The following SNX27 variants were observed in gnomAD, a reference collection of about 807,000 sequenced individuals.
SNX27 encodes sorting nexin 27, also known as sorting nexin-27.
A neutral mutation model predicts 71.6 loss-of-function variants in SNX27; 22 were observed. That is an observed-to-expected ratio of 0.31 (90% confidence interval 0.22 to 0.44). The LOEUF is 0.44. Among genes scored for constraint, SNX27 ranks in the 20% least tolerant of loss-of-function variants. The pLI, the probability that SNX27 is intolerant of heterozygous loss-of-function variation, is 1.00. For missense variants in SNX27, 531 were observed against 698.6 expected (o/e 0.76, Z 2.70); for synonymous variants, 269 against 277.2 (o/e 0.97, Z 0.29).
intron 1 of SNX27, among the ~76,000 whole-genome samples, chr1:151,633,496 C>A (rs1280839595): frequency 6.6e-6 from 1 of 152,112 alleles, no homozygotes; most frequent in Non-Finnish European, 1.5e-5. Flanking sequence ...TGGGGTTTCG[C>A]CTTGTTGCCC....
At chr1:151,683,051 C>A (rs1308158) in intron 7 of SNX27, among the ~76,000 whole-genome samples, 67,574 of 151,516 alleles carry the variant, frequency 0.45, 16,672 homozygotes, top group East Asian at 0.63. Flanking sequence ...AACAAAAAAA[C>A]CCCATCAGAT....
chr1:151,652,200 A>T (rs1669430747), intron 2 of SNX27, among the ~76,000 whole-genome samples: 1 of 62,752 alleles, frequency 1.6e-5, no homozygotes, highest in Admixed American at 2.5e-4. Flanking sequence ...GGAGAGGGAG[A>T]CCGTGGGGAG....
intron 2 of SNX27, among the ~76,000 whole-genome samples, chr1:151,645,630 C>T (rs1424320099): frequency 6.6e-6 from 1 of 152,214 alleles, no homozygotes; most frequent in Non-Finnish European, 1.5e-5. Flanking sequence ...GGATCACCTT[C>T]TCTGGTTTTC....
chr1:151,678,345 A>G (rs1670790006), intron 7 of SNX27: 1 of 152,216 alleles, frequency 6.6e-6, no homozygotes, highest in South Asian at 2.1e-4. Context: ...AAGTGTAATT[A>G]TACACTATTT....
chr1:151,693,368 A>T (rs1215960984), intron 10 of SNX27, 56 bp from the exon 11 acceptor site: 2 of 1,532,296 alleles, frequency 1.3e-6, no homozygotes, highest in Non-Finnish European at 9.0e-7. Context: ...TCAAAGGCAC[A>T]GTCCTGAGAT....
intron 5 of SNX27, chr1:151,662,787 C>T (rs773625804): frequency 6.6e-6 from 1 of 151,612 alleles, no homozygotes; most frequent in South Asian, 2.1e-4. Context: ...CTGGCCAACC[C>T]CTCCTTTTTT....
intron 11 of SNX27, chr1:151,693,759 C>T: frequency 2.6e-6 from 4 of 1,515,868 alleles, no homozygotes; most frequent in Non-Finnish European, 3.5e-6. Context: ...CATGGACCCT[C>T]CTCTGCCAGT....
rs575644059 is a variant in SNX27, at chr1:151,692,729, A to G, written c.1389+145A>G. 1.4e-5 allele frequency: 20 copies of G among 1,390,438 alleles called. No homozygotes were observed. In the African/African-American group the frequency reaches 2.7e-4, roughly 19 times the overall value. The allele number at this position is 1,390,438 out of a possible 1,614,324, so 86.1% of individuals were successfully genotyped here. On this transcript the variant is annotated intron_variant, in intron 9 of 11. Coordinates refer to ENST00000458013, the MANE Select transcript of SNX27 (RefSeq NM_001330723.2). ...GCAAATAAACAGGCATGGAATCCAC[A>G]CTGATCCTCAACTTCATTGGCTGCT...
At chr1:151,663,610 G>C (rs1326376200) in intron 5 of SNX27, among the ~76,000 whole-genome samples, 1 of 151,788 alleles carries the variant, frequency 6.6e-6, no homozygotes, top group African/African-American at 2.4e-5. Context: ...ATTTAATAAT[G>C]TCCTTCTGTG....
At chr1:151,628,459 A>G (rs955048741) in intron 1 of SNX27, among the ~76,000 whole-genome samples, 3 of 152,120 alleles carry the variant, frequency 2.0e-5, no homozygotes, top group African/African-American at 7.2e-5. Context: ...ACATTTATTT[A>G]CGTGCAGGTT....
chr1:151,683,803 A>G (rs1337272027), intron 8 of SNX27, among the ~76,000 whole-genome samples: 1 of 152,034 alleles, frequency 6.6e-6, no homozygotes, highest in Non-Finnish European at 1.5e-5. Context: ...AGTAGCTGGG[A>G]CTACAGGCAT....
Position 151,624,409 on chromosome 1 carries a change from T to TTATATATATA in SNX27, c.311+11911_311+11920dup, listed in dbSNP as rs10577800. Among the ~76,000 whole-genome samples, 441 of 129,732 alleles carry TTATATATATA rather than the reference T, an allele frequency of 3.4e-3. 4 individuals are homozygous for TTATATATATA. The highest frequency in any genetic ancestry group is 0.01 in the African/African-American group (351 of 34,616). 85.1% of individuals were successfully genotyped at this position (129,732 alleles called of 152,430 possible). On this transcript the variant is annotated intron_variant, in intron 1 of 11. Coordinates refer to ENST00000458013, the MANE Select transcript of SNX27 (RefSeq NM_001330723.2). ...CTTTTTTTTTCTGAATAGCTTGATT[T>TTATATATATA]TATATATATATATATATATATATGT...
At chr1:151,635,191 A>G (rs1030396755) in intron 1 of SNX27, among the ~76,000 whole-genome samples, 32 of 152,246 alleles carry the variant, frequency 2.1e-4, no homozygotes, top group African/African-American at 7.2e-4. Context: ...TGATACAAAT[A>G]CTATAACACA....
At chr1:151,690,696 C>T (rs559907268) in intron 8 of SNX27, among the ~76,000 whole-genome samples, 1 of 152,154 alleles carries the variant, frequency 6.6e-6, no homozygotes, top group East Asian at 1.9e-4. Context: ...ATCCTCCCAC[C>T]TCAGCCTCCC....
At chr1:151,647,282 C>G (rs1414247970) in intron 2 of SNX27, among the ~76,000 whole-genome samples, 1 of 151,982 alleles carries the variant, frequency 6.6e-6, no homozygotes, top group East Asian at 1.9e-4. Context: ...TTCCGAATAG[C>G]TAAACTACAC....
At chr1:151,629,886 CAT>C (rs1011850051) in intron 1 of SNX27, among the ~76,000 whole-genome samples, 1 of 151,084 alleles carries the variant, frequency 6.6e-6, no homozygotes. Context: ...GCCACTGTTC[CAT>C]ATATATATAT....
chr1:151,634,528 A>G (rs772614757), intron 1 of SNX27, among the ~76,000 whole-genome samples: 11 of 152,224 alleles, frequency 7.2e-5, no homozygotes, highest in South Asian at 2.1e-4. Flanking sequence ...TTGGTTGAAT[A>G]GAAGTCTTAT....
chr1:151,621,597 T>C (rs866430415), intron 1 of SNX27, among the ~76,000 whole-genome samples: 1 of 152,222 alleles, frequency 6.6e-6, no homozygotes, highest in South Asian at 2.1e-4. Flanking sequence ...TCAGCTGCTC[T>C]GGTGCATGCT....
In SNX27 at chr1:151,662,146, C is replaced by T; in HGVS notation, c.802-20C>T. On this transcript the variant is annotated intron_variant, in intron 4 of 11. Transcript: ENST00000458013. ...AGATATACTGGGCCATAAATTATTTCTCTATGTCTTTTCCCCCAGAACTAC... is the reference window on the plus strand; with the variant it reads ...AGATATACTGGGCCATAAATTATTTTTCTATGTCTTTTCCCCCAGAACTAC... 6.4e-7 allele frequency: 1 copy of T among 1,572,012 alleles called. No individual in the cohort carries two copies. Among genetic ancestry groups the T allele is most frequent in the Non-Finnish European group, 8.7e-7 (1 of 1,142,924 alleles).
Sources: gnomAD v4.1 joint callset for allele counts (sites outside exome capture counted in the v4.1 genomes callset) on GRCh38, gnomAD v4.1.1 for gene constraint, MANE v1.5 for transcripts, NCBI Gene and HGNC (gene_info 2026-07-23, HGNC 2026-07-21) for gene names.